EFCAB6: variants seen among roughly 807,000 people sequenced by gnomAD.
The protein encoded by EFCAB6 is EF-hand calcium-binding domain-containing protein 6.
A neutral mutation model predicts 169.8 loss-of-function variants in EFCAB6; 156 were observed. The ratio of observed to expected loss-of-function variants is 0.92; its 90% CI spans 0.81 to 1.05. The LOEUF is 1.05. Among genes scored for constraint, EFCAB6 ranks in the 50% least tolerant of loss-of-function variants. EFCAB6 has a pLI of 0.00. For missense variants in EFCAB6, 1,800 were observed against 1,829.1 expected, an observed-to-expected ratio of 0.98 and a Z score of 0.29; for synonymous variants, 698 against 676.4, an observed-to-expected ratio of 1.03 and a Z score of -0.50.
At chr22:43,621,454 T>C (rs1039776736) in intron 20 of EFCAB6, among the ~76,000 whole-genome samples, 2 of 152,070 alleles carry the variant, frequency 1.3e-5, no homozygotes, top group African/African-American at 2.4e-5. Context: ...AAATAATCCA[T>C]GGATCCAAGA....
chr22:43,569,897 T>G (rs2049731338), intron 26 of EFCAB6, among the ~76,000 whole-genome samples: 1 of 152,254 alleles, frequency 6.6e-6, no homozygotes, highest in Non-Finnish European at 1.5e-5. Context: ...ATAATTTACT[T>G]AATTTATTTA....
chr22:43,796,063 C>T (rs2062497913), intron 2 of EFCAB6, among the ~76,000 whole-genome samples: 1 of 151,806 alleles, frequency 6.6e-6, no homozygotes, highest in Admixed American at 6.6e-5. Flanking sequence ...CACAGAGTAG[C>T]ACACATGCAC....
chr22:43,758,840 A>G (rs902361963), intron 5 of EFCAB6, among the ~76,000 whole-genome samples: 1 of 152,230 alleles, frequency 6.6e-6, no homozygotes, highest in Admixed American at 6.5e-5. Flanking sequence ...TATGTCTATA[A>G]TATTCAAAAA....
intron 26 of EFCAB6, among the ~76,000 whole-genome samples, chr22:43,558,999 G>C (rs544266093): frequency 6.6e-6 from 1 of 152,296 alleles, no homozygotes; most frequent in South Asian, 2.1e-4. Context: ...TGCAACAAAA[G>C]CCAAAATTGA....
chr22:43,755,123 C>T (rs1007204005), intron 6 of EFCAB6, among the ~76,000 whole-genome samples: 4 of 152,160 alleles, frequency 2.6e-5, no homozygotes, highest in African/African-American at 7.2e-5. Context: ...TTCAAACCAA[C>T]ATATTGAATC....
intron 6 of EFCAB6, among the ~76,000 whole-genome samples, chr22:43,753,527 A>T (rs1290190247): frequency 1.3e-5 from 2 of 152,154 alleles, no homozygotes; most frequent in East Asian, 3.8e-4. Context: ...GGATGGAGAG[A>T]TGAGACCCAG....
intron 6 of EFCAB6, among the ~76,000 whole-genome samples, chr22:43,754,358 G>C (rs551674993): frequency 4.7e-4 from 72 of 152,282 alleles, no homozygotes; most frequent in Middle Eastern, 3.4e-3. Flanking sequence ...GGAAACCCAG[G>C]TCTGCCCGGG....
chr22:43,717,087 G>A, intron 8 of EFCAB6, 115 bp from the exon 9 acceptor site: 1 of 1,272,552 alleles, frequency 7.9e-7, no homozygotes, highest in Non-Finnish European at 1.0e-6. Flanking sequence ...AATAAACCAA[G>A]AAAATGATGA....
chr22:43,545,916 A>G (rs1229282415), intron 27 of EFCAB6, among the ~76,000 whole-genome samples: 1 of 152,238 alleles, frequency 6.6e-6, no homozygotes, highest in Admixed American at 6.5e-5. Context: ...TCAGCCAAAT[A>G]TAAGCTCTTT....
intron 12 of EFCAB6, among the ~76,000 whole-genome samples, chr22:43,678,711 AC>A (rs1320928845): frequency 6.6e-5 from 10 of 152,348 alleles, no homozygotes; most frequent in African/African-American, 2.4e-4. Flanking sequence ...TGAGCAAAAT[AC>A]CGTGAGAAAA....
At chr22:43,670,004 T>C (rs1050458232) in intron 15 of EFCAB6, among the ~76,000 whole-genome samples, 1 of 152,114 alleles carries the variant, frequency 6.6e-6, no homozygotes, top group Non-Finnish European at 1.5e-5. Context: ...CTTTCTAACA[T>C]TTTTAAGGTT....
chr22:43,703,821 C>A (rs574369120), intron 10 of EFCAB6, among the ~76,000 whole-genome samples: 12 of 149,230 alleles, frequency 8.0e-5, no homozygotes, highest in Non-Finnish European at 1.5e-4. Context: ...ATCAGAGGAA[C>A]AAAAGGAAAA....
chr22:43,621,254 G>GATTTATTT (rs3072757), intron 20 of EFCAB6, among the ~76,000 whole-genome samples: 3 of 150,326 alleles, frequency 2.0e-5, no homozygotes, highest in East Asian at 2.0e-4. Context: ...ACACCTGGCT[G>GATTTATTT]ATTTATTTAT....
Position 43,555,857 on chromosome 22 carries a change from G to T in EFCAB6, c.3421-761C>A, listed in dbSNP as rs138704158. ...GGGCTCAGAGATTTCCTGGGAGGAGGAGGAATTGGCTGTGGAGAAAGAGAG... is the reference window on the plus strand; with the variant it reads ...GGGCTCAGAGATTTCCTGGGAGGAGTAGGAATTGGCTGTGGAGAAAGAGAG... On this transcript the variant is annotated intron_variant, in intron 26 of 31. Coordinates refer to ENST00000262726, the MANE Select transcript of EFCAB6 (RefSeq NM_022785.4). Among the ~76,000 whole-genome samples, 634 of 152,332 alleles carry T rather than the reference G, an allele frequency of 4.2e-3. 6 individuals are homozygous for T. The highest frequency in any genetic ancestry group is 0.014 in the African/African-American group (597 of 41,572).
intron 10 of EFCAB6, among the ~76,000 whole-genome samples, chr22:43,706,462 C>A (rs528957966): frequency 6.6e-6 from 1 of 152,342 alleles, no homozygotes; most frequent in East Asian, 1.9e-4. Flanking sequence ...TGGTCTCCCC[C>A]ACCAGCAGGC....
chr22:43,676,558 A>G (rs1222464925), intron 13 of EFCAB6, among the ~76,000 whole-genome samples: 1 of 152,078 alleles, frequency 6.6e-6, no homozygotes, highest in African/African-American at 2.4e-5. Context: ...GATTTTTATC[A>G]TTATTTTCAC....
intron 17 of EFCAB6, among the ~76,000 whole-genome samples, chr22:43,638,855 G>A (rs147453588): frequency 1.6e-3 from 238 of 148,026 alleles, no homozygotes; most frequent in African/African-American, 5.9e-3. Context: ...GTGCGATCTC[G>A]GCTCACCGCA....
At chr22:43,791,721 CTAAG>C (rs1368630918) in intron 2 of EFCAB6, among the ~76,000 whole-genome samples, 1 of 151,960 alleles carries the variant, frequency 6.6e-6, no homozygotes. Flanking sequence ...GAAAACCTGT[CTAAG>C]TGAGTTCCTG....
intron 20 of EFCAB6, among the ~76,000 whole-genome samples, chr22:43,621,447 T>C (rs1328793956): frequency 1.3e-5 from 2 of 152,042 alleles, no homozygotes; most frequent in African/African-American, 2.4e-5. Flanking sequence ...CACTTCTAAA[T>C]AATCCATGGA....
Sources: gnomAD v4.1 joint callset for allele counts (sites outside exome capture counted in the v4.1 genomes callset) on GRCh38, gnomAD v4.1.1 for gene constraint, MANE v1.5 for transcripts, NCBI Gene and HGNC (gene_info 2026-07-23, HGNC 2026-07-21) for gene names.